The following TPRG1 variants were observed in gnomAD, a reference collection of about 807,000 sequenced individuals.
TPRG1 encodes tumor protein p63 regulated 1, also known as tumor protein p63-regulated gene 1 protein.
TPRG1 carries 29 observed loss-of-function variants against 29.3 expected under a neutral mutation model. That is an observed-to-expected ratio of 0.99 (90% CI 0.74 to 1.35). The LOEUF (loss-of-function observed/expected upper bound fraction) is 1.35, where lower values mean the gene tolerates loss of function less well. Among genes scored for constraint, TPRG1 ranks in the 40% most tolerant of loss-of-function variants. The pLI, the probability that TPRG1 is intolerant of heterozygous loss-of-function variation, is 0.00. For synonymous variants in TPRG1, 130 were observed against 116.8 expected (o/e 1.11, Z -0.73); for missense variants, 327 against 335.0 (o/e 0.98, Z 0.19).
chr3:189,024,207 C>T (rs1254961694), intron 4 of TPRG1, among the ~76,000 whole-genome samples: 1 of 152,188 alleles, frequency 6.6e-6, no homozygotes, highest in African/African-American at 2.4e-5. Flanking sequence ...TGGCTGGAGG[C>T]CCTGGCTGGG....
chr3:189,246,379 GT>G (rs991266221), intron 4 of TPRG1, among the ~76,000 whole-genome samples: 4 of 151,792 alleles, frequency 2.6e-5, no homozygotes, highest in Non-Finnish European at 4.4e-5. Flanking sequence ...CACATAGCAT[GT>G]TTTTTTTATC....
At chr3:189,029,295 A>G (rs1713819511) in intron 4 of TPRG1, among the ~76,000 whole-genome samples, 1 of 152,234 alleles carries the variant, frequency 6.6e-6, no homozygotes, top group Non-Finnish European at 1.5e-5. Flanking sequence ...TGGTTTATTT[A>G]GAGATGCAAT....
chr3:189,239,037 T>TTTAA, intron 4 of TPRG1, 128 bp downstream of exon 4: 2 of 730,878 alleles, frequency 2.7e-6, no homozygotes, highest in Non-Finnish European at 4.3e-6. Context: ...ATCATGAAAG[T>TTTAA]TGAAATCATT....
intron 1 of TPRG1, among the ~76,000 whole-genome samples, chr3:189,197,835 A>G (rs1209160729): frequency 6.6e-6 from 1 of 152,244 alleles, no homozygotes; most frequent in Admixed American, 6.5e-5. Flanking sequence ...TGAGAAATAG[A>G]TAAATGATAC....
intron 4 of TPRG1, among the ~76,000 whole-genome samples, chr3:189,084,848 C>A (rs1023659664): frequency 6.6e-6 from 1 of 152,178 alleles, no homozygotes; most frequent in East Asian, 1.9e-4. Context: ...CAACACTTGA[C>A]CTTACCCAAA....
chr3:189,257,651 G>A (rs1434590539), intron 4 of TPRG1, among the ~76,000 whole-genome samples: 1 of 152,136 alleles, frequency 6.6e-6, no homozygotes, highest in African/African-American at 2.4e-5. Context: ...CCAATCAAAT[G>A]TAGATTTGGT....
chr3:189,094,933 G>A (rs192106173), intron 4 of TPRG1, among the ~76,000 whole-genome samples: 235 of 152,248 alleles, frequency 1.5e-3, no homozygotes, highest in African/African-American at 5.1e-3. Context: ...ATGCACAACC[G>A]TAGAAAATGA....
intron 2 of TPRG1, 116 bp from the exon 3 acceptor site, chr3:189,215,176 A>G: frequency 1.3e-6 from 1 of 771,292 alleles, no homozygotes; most frequent in South Asian, 2.2e-5. Context: ...GCAACTGCAT[A>G]AACTATATCC....
chr3:189,145,359 T>TAAAAAAGAAAAAAAAAAAAAAA (rs1725115973), intron 3 of TPRG1, among the ~76,000 whole-genome samples: 1 of 107,394 alleles, frequency 9.3e-6, no homozygotes. Context: ...AGACTCCATC[T>TAAAAAAGAAAAAAAAAAAAAAA]AAAAAAAAAA....
chr3:189,202,671 G>A (rs1192331822), intron 1 of TPRG1, among the ~76,000 whole-genome samples: 1 of 152,136 alleles, frequency 6.6e-6, no homozygotes, highest in Non-Finnish European at 1.5e-5. Flanking sequence ...TTCAAGGGCT[G>A]CTAAAAGTTT....
At chr3:189,017,953 T>G (rs1310993567) in intron 3 of TPRG1, among the ~76,000 whole-genome samples, 6 of 151,202 alleles carry the variant, frequency 4.0e-5, no homozygotes, top group Non-Finnish European at 7.4e-5. Context: ...CTCATTGTGG[T>G]TTTGATTTGC....
chr3:189,049,187 A>G (rs922030973), intron 4 of TPRG1, among the ~76,000 whole-genome samples: 10 of 152,226 alleles, frequency 6.6e-5, no homozygotes, highest in Non-Finnish European at 1.3e-4. Context: ...CTTCACAGGC[A>G]CAGGCACGGA....
At chr3:189,055,091 G>A (rs574473609) in intron 4 of TPRG1, among the ~76,000 whole-genome samples, 1 of 152,308 alleles carries the variant, frequency 6.6e-6, no homozygotes, top group African/African-American at 2.4e-5. Flanking sequence ...TAGTTGTAGA[G>A]TTTCTCCTGG....
At chr3:189,282,803 G>T (rs1298767123) in intron 4 of TPRG1, among the ~76,000 whole-genome samples, 1 of 152,162 alleles carries the variant, frequency 6.6e-6, no homozygotes, top group Admixed American at 6.5e-5. Context: ...AGGGAGAAAG[G>T]ATCAGATACG....
chr3:189,244,111 A>G (rs1300142442), intron 4 of TPRG1, among the ~76,000 whole-genome samples: 2 of 152,124 alleles, frequency 1.3e-5, no homozygotes, highest in African/African-American at 4.8e-5. Context: ...CTATAAAGAA[A>G]TATCTGCGAC....
In TPRG1 at chr3:189,056,027, CCCTCCCTTCCTT is replaced by C. The variant is rs1259768070; in HGVS notation, c.-463+32085_-463+32096del. 4.6e-3 allele frequency among the ~76,000 whole-genome samples: 489 copies of C among 106,152 alleles called. 11 individuals are homozygous for C. The highest frequency in any genetic ancestry group is 0.018 in the African/African-American group (473 of 26,452). The allele number at this position is 106,152 out of a possible 152,430, so 69.6% of individuals were successfully genotyped here. ...CTCTCTCTCCCTCCCTCCCTTCCCT[CCCTCCCTTCCTT>C]CCTTCCTTCCTTCCTTCCTTCCTTC... On this transcript the variant is annotated intron_variant, in intron 4 of 10. Transcript: ENST00000433971.
intron 3 of TPRG1, among the ~76,000 whole-genome samples, chr3:189,218,246 T>C (rs1736381652): frequency 6.6e-6 from 1 of 152,026 alleles, no homozygotes; most frequent in Non-Finnish European, 1.5e-5. Context: ...CCTGAGTAGC[T>C]GGGACTACAG....
chr3:189,098,169 A>G (rs1340963786), upstream of TPRG1, among the ~76,000 whole-genome samples: 1 of 152,242 alleles, frequency 6.6e-6, no homozygotes, highest in Non-Finnish European at 1.5e-5. Flanking sequence ...AGAAGAAAAG[A>G]GAGCCGGGTA....
At chr3:189,216,328 C>T (rs1013069382) in intron 3 of TPRG1, among the ~76,000 whole-genome samples, 3 of 152,074 alleles carry the variant, frequency 2.0e-5, no homozygotes, top group African/African-American at 7.2e-5. Flanking sequence ...TCTTGTTAGA[C>T]TAAGTTTCAG....
Sources: gnomAD v4.1 joint callset for allele counts (sites outside exome capture counted in the v4.1 genomes callset) on GRCh38, gnomAD v4.1.1 for gene constraint, MANE v1.5 for transcripts, NCBI Gene and HGNC (gene_info 2026-07-23, HGNC 2026-07-21) for gene names.